The following BRINP3 variants were observed in gnomAD, a reference collection of about 807,000 sequenced individuals.
BRINP3 encodes BMP/retinoic acid-inducible neural-specific protein 3.
Under a neutral mutation model 71.0 loss-of-function variants are expected in BRINP3, and 19 were observed. That is an observed-to-expected ratio of 0.27 (90% confidence interval 0.19 to 0.39). The LOEUF is 0.39. Ranked by LOEUF, BRINP3 falls within the 10% of genes least tolerant of loss-of-function variation. The probability of loss-of-function intolerance (pLI) is 1.00; values close to 1 mark genes in which losing one functional copy is unlikely to be tolerated. For missense variants in BRINP3, 959 were observed against 940.8 expected, an observed-to-expected ratio of 1.02 and a Z score of -0.25; for synonymous variants, 380 against 337.7, an observed-to-expected ratio of 1.13 and a Z score of -1.37.
chr1:190,234,431 T>C lies in BRINP3; in HGVS notation c.665A>G (p.Asn222Ser). ...CAGAACAGAACTGACAGAATCTAGG[T>C]TGTCATAGTTACTGCAGCCAAGAGG... ...TGPLGCSNYD[N>S]LDSVSSVLVQ... The change falls in exon 5 of 8, where the codon AAC (asparagine) becomes AGC (serine). Residue 222 changes from asparagine (N) to serine (S), a missense_variant. Coordinates refer to ENST00000367462, the MANE Select transcript of BRINP3 (RefSeq NM_199051.3). 6.2e-7 allele frequency: 1 copy of C among 1,612,496 alleles called. No homozygotes were observed. The highest frequency in any genetic ancestry group is 8.5e-7 in the Non-Finnish European group (1 of 1,179,042).
intron 2 of BRINP3, among the ~76,000 whole-genome samples, chr1:190,416,029 C>T (rs1212423066): frequency 6.6e-6 from 1 of 152,022 alleles, no homozygotes; most frequent in African/African-American, 2.4e-5. Flanking sequence ...TCAATATGTT[C>T]CTAAGTTAAA....
At chr1:190,237,408 A>C (rs1231322070) in intron 4 of BRINP3, among the ~76,000 whole-genome samples, 1 of 151,716 alleles carries the variant, frequency 6.6e-6, no homozygotes, top group East Asian at 1.9e-4. Context: ...AATAAATAAA[A>C]ATGTAAAGAA....
At chr1:190,450,797 C>T (rs1675554552) in intron 2 of BRINP3, among the ~76,000 whole-genome samples, 1 of 152,028 alleles carries the variant, frequency 6.6e-6, no homozygotes, top group African/African-American at 2.4e-5. Flanking sequence ...TAAATTTCTG[C>T]TTTTCTCATA....
At chr1:190,420,494 T>G (rs1160486612) in intron 2 of BRINP3, among the ~76,000 whole-genome samples, 1 of 151,894 alleles carries the variant, frequency 6.6e-6, no homozygotes. Flanking sequence ...ACCAAAGTGA[T>G]CCATTCATTA....
intron 2 of BRINP3, among the ~76,000 whole-genome samples, chr1:190,449,666 A>T (rs1310680753): frequency 6.6e-6 from 1 of 152,162 alleles, no homozygotes; most frequent in East Asian, 1.9e-4. Flanking sequence ...TTGCTGAAAC[A>T]GGATGTGTTG....
At chr1:190,236,712 T>C (rs1364930119) in intron 4 of BRINP3, among the ~76,000 whole-genome samples, 1 of 151,990 alleles carries the variant, frequency 6.6e-6, no homozygotes, top group African/African-American at 2.4e-5. Context: ...AGTGTTGATA[T>C]GATATGTGTA....
intron 2 of BRINP3, among the ~76,000 whole-genome samples, chr1:190,421,312 T>TATTATC (rs1366727325): frequency 8.7e-6 from 1 of 114,518 alleles, no homozygotes; most frequent in Non-Finnish European, 2.1e-5. Context: ...TTATTATTAT[T>TATTATC]ATTATTATTA....
chr1:190,426,110 A>T (rs1009602419), intron 2 of BRINP3, among the ~76,000 whole-genome samples: 2 of 151,988 alleles, frequency 1.3e-5, no homozygotes, highest in Non-Finnish European at 2.9e-5. Context: ...GTAAAAGTTC[A>T]TATATATCCT....
intron 7 of BRINP3, among the ~76,000 whole-genome samples, chr1:190,103,175 C>T (rs1651846473): frequency 6.6e-6 from 1 of 152,008 alleles, no homozygotes; most frequent in Non-Finnish European, 1.5e-5. Flanking sequence ...TCAGCAGAAG[C>T]TTTGGAATTC....
chr1:190,144,639 A>G (rs1339584769), intron 7 of BRINP3, among the ~76,000 whole-genome samples: 1 of 152,104 alleles, frequency 6.6e-6, no homozygotes, highest in East Asian at 1.9e-4. Flanking sequence ...TGTTGCCTGG[A>G]AAAAACCTAA....
At chr1:190,108,652 C>T (rs1484803026) in intron 7 of BRINP3, among the ~76,000 whole-genome samples, 1 of 149,380 alleles carries the variant, frequency 6.7e-6, no homozygotes, top group African/African-American at 2.5e-5. Flanking sequence ...GATGAGACTA[C>T]AAACAATGAT....
At chr1:190,208,480 A>G (rs952042075) in intron 6 of BRINP3, among the ~76,000 whole-genome samples, 4 of 151,664 alleles carry the variant, frequency 2.6e-5, no homozygotes, top group Non-Finnish European at 4.4e-5. Flanking sequence ...TTATTTATTT[A>G]TTTGTTTGTT....
At chr1:190,195,141 C>T (rs1654367332) in intron 6 of BRINP3, among the ~76,000 whole-genome samples, 1 of 151,856 alleles carries the variant, frequency 6.6e-6, no homozygotes, top group Non-Finnish European at 1.5e-5. Flanking sequence ...TATGCAATCA[C>T]AAGTAAATAT....
intron 2 of BRINP3, among the ~76,000 whole-genome samples, chr1:190,352,801 A>T (rs1668475930): frequency 1.3e-5 from 2 of 151,728 alleles, no homozygotes; most frequent in African/African-American, 4.8e-5. Flanking sequence ...AAATACTACC[A>T]TAATTTTTCT....
intron 2 of BRINP3, among the ~76,000 whole-genome samples, chr1:190,299,529 C>G (rs990235290): frequency 1.3e-5 from 2 of 151,236 alleles, no homozygotes; most frequent in Admixed American, 6.6e-5. Flanking sequence ...GTGCGCTGCA[C>G]CCACTAACTC....
chr1:190,315,267 T>C (rs918447475), intron 2 of BRINP3, among the ~76,000 whole-genome samples: 31 of 152,104 alleles, frequency 2.0e-4, no homozygotes, highest in African/African-American at 6.8e-4. Context: ...GAAACAGTGA[T>C]GTTTGAGCTT....
At chr1:190,135,388 T>C (rs1299676953) in intron 7 of BRINP3, among the ~76,000 whole-genome samples, 1 of 152,126 alleles carries the variant, frequency 6.6e-6, no homozygotes, top group African/African-American at 2.4e-5. Context: ...TGAGCTTTAG[T>C]ATTGTGGAGA....
At chr1:190,235,707 C>A (rs191738751) in intron 4 of BRINP3, among the ~76,000 whole-genome samples, 1 of 151,898 alleles carries the variant, frequency 6.6e-6, no homozygotes, top group Non-Finnish European at 1.5e-5. Flanking sequence ...TATTTTCTAG[C>A]GAATCCTTCA....
At chr1:190,241,574 T>A (rs574749060) in intron 4 of BRINP3, among the ~76,000 whole-genome samples, 1 of 152,168 alleles carries the variant, frequency 6.6e-6, no homozygotes, top group South Asian at 2.1e-4. Flanking sequence ...GGGTCATTCA[T>A]GAACAAAAAA....
Sources: gnomAD v4.1 joint callset for allele counts (sites outside exome capture counted in the v4.1 genomes callset) on GRCh38, gnomAD v4.1.1 for gene constraint, MANE v1.5 for transcripts, NCBI Gene and HGNC (gene_info 2026-07-23, HGNC 2026-07-21) for gene names.